The following HDAC5 variants were observed in gnomAD, a reference collection of about 807,000 sequenced individuals.
The protein encoded by HDAC5 is histone deacetylase 5, also known as antigen NY-CO-9.
Under a neutral mutation model 133.3 loss-of-function variants are expected in HDAC5, and 25 were observed. That is an observed-to-expected ratio of 0.19 (90% CI 0.14 to 0.26). HDAC5 has a LOEUF of 0.26. Ranked by LOEUF, HDAC5 falls within the 10% of genes least tolerant of loss-of-function variation. The probability of loss-of-function intolerance (pLI) is 1.00; values close to 1 mark genes in which losing one functional copy is unlikely to be tolerated. For synonymous variants in HDAC5, 589 were observed against 610.8 expected, an observed-to-expected ratio of 0.96 and a Z score of 0.53; for missense variants, 1,041 against 1,460.5, an observed-to-expected ratio of 0.71 and a Z score of 4.68.
At chr17:44,111,624 C>A (rs764404174) in intron 2 of HDAC5, 2 of 517,970 alleles carry the variant, frequency 3.9e-6, no homozygotes, top group East Asian at 1.1e-4. Flanking sequence ...GAGAGGCTGG[C>A]ACACAGGCAC....
At chr17:44,116,188 G>C (rs570798186) in intron 2 of HDAC5, among the ~76,000 whole-genome samples, 2 of 152,228 alleles carry the variant, frequency 1.3e-5, no homozygotes, top group Admixed American at 6.5e-5. Flanking sequence ...ACAGGTCAGC[G>C]TCACAACTCA....
At position 44,080,012 on chromosome 17, in the gene HDAC5, T is replaced by C. The variant is rs994331259; in HGVS notation, c.2944+95A>G. ...TAGGCCCTGCCCCCTGCTTTCCCCG[T>C]CTGCTGCAATATCAGTCTGTTCCCT... On this transcript the variant is annotated intron_variant, in intron 23 of 26. Transcript: ENST00000682912. 4 of 904,898 alleles carry C rather than the reference T, an allele frequency of 4.4e-6. No homozygotes were observed. In the African/African-American group the frequency reaches 6.5e-5, roughly 15 times the overall value. The allele number at this position is 904,898 out of a possible 1,614,324, so 56.1% of individuals were successfully genotyped here.
rs2050242105 is a variant in HDAC5, at chr17:44,078,830, G to C, written c.3128C>G (p.Ala1043Gly). The change falls in exon 25 of 27, where the codon GCA becomes GGA. Residue 1043 changes from alanine to glycine, a missense_variant. Transcript: ENST00000682912. ...GATGACTTTCTCTAGCGTGGCCACTGCGTTGATGTTGGGCTTTTGCTGCAA... is the reference window on the plus strand; with the variant it reads ...GATGACTTTCTCTAGCGTGGCCACTCCGTTGATGTTGGGCTTTTGCTGCAA... ...AVLQQKPNIN[A>G]VATLEKVIEI... The C allele has an allele frequency of 6.2e-7, 1 of 1,614,190 alleles. No homozygotes were observed. Among genetic ancestry groups the C allele is most frequent in the Non-Finnish European group, 8.5e-7 (1 of 1,180,038 alleles).
Position 44,093,684 on chromosome 17 carries a change from G to A in HDAC5, c.245C>T (p.Ala82Val), listed in dbSNP as rs146365116. Residue 82 changes from alanine (A) to valine (V), a missense_variant, in exon 4 of 27, where the codon GCG (alanine) becomes GTG (valine). By Grantham distance (64) the Ala-to-Val change is moderately conservative. Coordinates refer to ENST00000682912, the MANE Select transcript of HDAC5 (RefSeq NM_005474.5). ...REQQLQQELL[A>V]LKQQQQLQKQ... ...CTGCAGCTGCTGCTGCTGCTTGAGC[G>A]CCAGGAGCTCCTGCTGCAGTTGCTG... 384 of 1,609,066 alleles carry A rather than the reference G, an allele frequency of 2.4e-4. 4 individuals carry two copies. In the African/African-American group the frequency reaches 4.5e-3, roughly 19 times the overall value.
chr17:44,088,282 C>T (rs1197946398), intron 12 of HDAC5, 105 bp downstream of exon 12: 43 of 1,462,566 alleles, frequency 2.9e-5, no homozygotes, highest in Non-Finnish European at 3.8e-5. Flanking sequence ...CAATCAGGCG[C>T]GAGCCACCGT....
rs1330392205 is a variant in HDAC5 at position 44,109,511 on chromosome 17, T to G, written c.94+1218A>C. Among the ~76,000 whole-genome samples the G allele has an allele frequency of 2.0e-5, 3 of 152,204 alleles. No individual in the cohort carries two copies. The East Asian group carries it at 5.8e-4, about 29-fold the overall frequency. ...AATGCCCCTATCCTCGGGGCCTGCATGGATACCCTGCAGGGCTAGTCTTCA... is the reference window on the plus strand; with the variant it reads ...AATGCCCCTATCCTCGGGGCCTGCAGGGATACCCTGCAGGGCTAGTCTTCA... On this transcript the variant is annotated intron_variant, in intron 3 of 26. Transcript: ENST00000682912.
chr17:44,084,496 A>G lies in HDAC5; in HGVS notation c.2305+59T>C, dbSNP rs2050553431. 3 of 1,601,212 alleles carry G rather than the reference A, an allele frequency of 1.9e-6. No individual in the cohort carries two copies. In the Admixed American group the frequency reaches 5.1e-5, roughly 27 times the overall value. The stretch of plus-strand genomic sequence containing the variant: ...AGCCTGGTCAGGCAGTCTTCCTGAG[A>G]GCCCCCATCCCACCCTGACACTGAA... On this transcript the variant is annotated intron_variant, in intron 16 of 26. Transcript: ENST00000682912.
Position 44,093,745 on chromosome 17 carries a change from C to T in HDAC5, c.184G>A (p.Ala62Thr), listed in dbSNP as rs980751186. ...GSPSPVELRG[A>T]LVGSVDPTLR... ...GTGGGGTCCACAGAGCCCACCAGAG[C>T]CCCCCGTAGCTCCACAGGGCTGGGG... The change falls in exon 4 of 27, where the codon GCT (alanine) becomes ACT (threonine). Residue 62 changes from alanine to threonine, a missense_variant. Ala to Thr is a moderately conservative substitution (Grantham distance 58, BLOSUM62 0). This residue lies in a region of HDAC5 where 93 missense variants were observed against 98.8 expected (regional missense o/e 0.94). Transcript: ENST00000682912. 3 of 1,601,732 alleles carry T rather than the reference C, an allele frequency of 1.9e-6. No individual in the cohort carries two copies. The highest frequency in any genetic ancestry group is 2.6e-6 in the Non-Finnish European group (3 of 1,174,080).
intron 22 of HDAC5, 56 bp downstream of exon 22, chr17:44,080,345 C>G: frequency 6.4e-7 from 1 of 1,569,464 alleles, no homozygotes; most frequent in Non-Finnish European, 8.8e-7. Flanking sequence ...CTGCCCCTCC[C>G]ACTGCAGGGC....
intron 13 of HDAC5, among the ~76,000 whole-genome samples, chr17:44,087,041 A>T (rs1178159145): frequency 6.6e-6 from 1 of 151,560 alleles, no homozygotes; most frequent in Non-Finnish European, 1.5e-5. Context: ...CTGTGTCCGC[A>T]ATGAATGGAG....
At chr17:44,109,423 T>C (rs2052199068) in intron 3 of HDAC5, among the ~76,000 whole-genome samples, 1 of 152,084 alleles carries the variant, frequency 6.6e-6, no homozygotes, top group African/African-American at 2.4e-5. Flanking sequence ...GGGTATCTTG[T>C]AGAGCCGGTT....
At position 44,078,716 on chromosome 17, in the gene HDAC5, T is replaced by C. The variant is rs368024740; in HGVS notation, c.3164-51A>G. ...TCAGGGAGGGCAGAGGACACCCACA[T>C]GAACAGTCCCAGTCCTGGTGCTCCC... On this transcript the variant is annotated intron_variant, in intron 25 of 26. Transcript: ENST00000682912. 3.5e-4 allele frequency: 558 copies of C among 1,609,552 alleles called. 16 individuals carry two copies. The South Asian group carries it at 4.9e-3, about 14-fold the overall frequency.
At chr17:44,094,143 T>C (rs1026609069) in intron 3 of HDAC5, among the ~76,000 whole-genome samples, 2 of 151,904 alleles carry the variant, frequency 1.3e-5, no homozygotes, top group Non-Finnish European at 2.9e-5. Context: ...GTCAACATGA[T>C]GAAACCCCCT....
intron 11 of HDAC5, among the ~76,000 whole-genome samples, chr17:44,089,611 G>A (rs1400215556): frequency 6.6e-6 from 1 of 151,922 alleles, no homozygotes; most frequent in Non-Finnish European, 1.5e-5. Context: ...GCCAGGCATG[G>A]TGGCACATGC....
chr17:44,086,087 C>T (rs1317142699), intron 14 of HDAC5, among the ~76,000 whole-genome samples: 1 of 152,206 alleles, frequency 6.6e-6, no homozygotes, highest in Non-Finnish European at 1.5e-5. Context: ...GCTGTGCCTC[C>T]TCAGCTGCAC....
chr17:44,122,724 G>A (rs530468688), intron 1 of HDAC5, among the ~76,000 whole-genome samples: 1 of 152,108 alleles, frequency 6.6e-6, no homozygotes, highest in African/African-American at 2.4e-5. Flanking sequence ...GAAGGGTGGG[G>A]TGGAGAAGCT....
intron 1 of HDAC5, 131 bp downstream of exon 1, chr17:44,123,373 G>A (rs1363835676): frequency 5.9e-6 from 2 of 338,950 alleles, no homozygotes; most frequent in East Asian, 9.1e-5. Flanking sequence ...AGGGCCGGGA[G>A]GAAGGAAGGG....
chr17:44,085,132 G>A lies in HDAC5; in HGVS notation c.2074C>T (p.Leu692=). ...TTGVVYDTFM[L]KHQCMCGNTH... is the part of the protein sequence containing the mutation. ...TTCCCGCACATGCACTGGTGCTTTA[G>A]CATGAACGTGTCGTAGACCACACCT... Residue 692 remains leucine (L), a synonymous_variant, in exon 15 of 27, where the codon CTA becomes TTA. Coordinates refer to ENST00000682912, the MANE Select transcript of HDAC5 (RefSeq NM_005474.5). 6.2e-7 allele frequency: 1 copy of A among 1,600,470 alleles called. No homozygotes were observed. The highest frequency in any genetic ancestry group is 2.2e-5 in the East Asian group (1 of 44,472).
chr17:44,083,275 C>T (rs1048926469), intron 18 of HDAC5, among the ~76,000 whole-genome samples: 4 of 152,204 alleles, frequency 2.6e-5, no homozygotes, highest in East Asian at 1.9e-4. Flanking sequence ...CCAGCCTCAA[C>T]GGACCATTTT....
Sources: allele counts gnomAD v4.1 joint callset (sites outside exome capture counted in the v4.1 genomes callset), GRCh38; gene constraint gnomAD v4.1.1; regional missense constraint gnomAD v4.1.1; transcripts MANE v1.5; gene names NCBI Gene and HGNC (gene_info 2026-07-23, HGNC 2026-07-21).